The following NARS1 variants were observed in gnomAD, a reference collection of about 807,000 sequenced individuals.
NARS1 encodes the protein asparagine--tRNA ligase, cytoplasmic.
Under a neutral mutation model 79.2 loss-of-function variants are expected in NARS1, and 65 were observed. The observed-to-expected ratio is 0.82, with a 90% CI of 0.67 to 1.01. NARS1 has a LOEUF of 1.01. Among genes scored for constraint, NARS1 ranks in the 50% least tolerant of loss-of-function variants. The probability of loss-of-function intolerance (pLI) is 0.00; values close to 1 mark genes in which losing one functional copy is unlikely to be tolerated. For synonymous variants in NARS1, 229 were observed against 238.8 expected (o/e 0.96, Z 0.38); for missense variants, 649 against 673.8 (o/e 0.96, Z 0.41).
intron 6 of NARS1, among the ~76,000 whole-genome samples, 156 bp downstream of exon 6, chr18:57,611,481 A>G (rs2051604180): frequency 6.6e-6 from 1 of 152,202 alleles, no homozygotes; most frequent in African/African-American, 2.4e-5. Context: ...ATAATAAACA[A>G]ATAAAAATTG....
rs2051506492 is a variant in NARS1, at chr18:57,601,598, T to C, written c.*54A>G. 2.0e-6 allele frequency: 3 copies of C among 1,510,102 alleles called. No individual in the cohort carries two copies. In the Admixed American group the frequency reaches 6.3e-5, roughly 32 times the overall value. 93.5% of individuals were successfully genotyped at this position (1,510,102 alleles called of 1,614,324 possible). ...AAGATTCTGGCTTTTTGTTTTCTTT[T>C]TTAAAGAGCCTGTTCCTTTCATAAT... On this transcript the variant is annotated 3_prime_UTR_variant, in exon 14 of 14. Coordinates refer to ENST00000256854, the MANE Select transcript of NARS1 (RefSeq NM_004539.4).
In NARS1 at chr18:57,605,140, T is replaced by A. The variant is rs1386228632; in HGVS notation, c.1251+717A>T. ...TCTCCAGAAAAAAAAAAAAAATATA[T>A]ATATATATATATATCTATATACCAA... On this transcript the variant is annotated intron_variant, in intron 11 of 13. Transcript: ENST00000256854. Among the ~76,000 whole-genome samples the A allele has an allele frequency of 1.1e-3, 104 of 96,572 alleles. No homozygotes were observed. The East Asian group carries it at 0.011, about 10-fold the overall frequency. The allele number at this position is 96,572 out of a possible 152,430, so 63.4% of individuals were successfully genotyped here.
chr18:57,607,210 G>C lies in NARS1; in HGVS notation c.925C>G (p.Pro309Ala). 6.2e-7 allele frequency: 1 copy of C among 1,614,138 alleles called. No homozygotes were observed. Among genetic ancestry groups the C allele is most frequent in the Non-Finnish European group, 8.5e-7 (1 of 1,180,034 alleles). Residue 309 changes from proline (P) to alanine (A), a missense_variant, in exon 9 of 14, where the codon CCA (proline) becomes GCA (alanine). Pro to Ala is a conservative substitution (Grantham distance 27). Transcript: ENST00000256854. Reference sequence around the variant, plus strand: ...ATACAAAAAACATCTCCCAGGGCTGGGAGGCAGGTCTCCAAGTACAACTGA... The same window carrying C: ...ATACAAAAAACATCTCCCAGGGCTGCGAGGCAGGTCTCCAAGTACAACTGA... The part of the protein sequence containing the change: ...SSQLYLETCL[P>A]ALGDVFCIAQ...
intron 11 of NARS1, among the ~76,000 whole-genome samples, chr18:57,605,602 C>T (rs963281027): frequency 4.0e-5 from 5 of 125,424 alleles, no homozygotes; most frequent in Admixed American, 8.8e-5. Context: ...CAGAGCGAGA[C>T]TCCGTCTCAA....
intron 13 of NARS1, 60 bp downstream of exon 13, chr18:57,602,295 A>T: frequency 6.6e-7 from 1 of 1,519,424 alleles, no homozygotes. Context: ...TAAAAATTTC[A>T]ATATATACAG....
intron 6 of NARS1, among the ~76,000 whole-genome samples, chr18:57,609,998 G>A (rs2051592127): frequency 6.6e-6 from 1 of 152,142 alleles, no homozygotes; most frequent in Non-Finnish European, 1.5e-5. Context: ...AATGAGCTAT[G>A]ATGATGCCAC....
intron 4 of NARS1, 76 bp from the exon 5 acceptor site, chr18:57,613,756 G>C: frequency 8.2e-7 from 1 of 1,219,578 alleles, no homozygotes; most frequent in East Asian, 2.3e-5. Context: ...ATATTAGGCA[G>C]ACGGTAGTAA....
chr18:57,621,246 GTCTC>G (rs1278282354), intron 1 of NARS1, among the ~76,000 whole-genome samples: 5 of 150,912 alleles, frequency 3.3e-5, no homozygotes, highest in Admixed American at 1.3e-4. Context: ...ATCCATCCAG[GTCTC>G]TCTCTTTTTT....
Position 57,606,720 on chromosome 18 carries a change from G to A in NARS1, c.1033C>T (p.Leu345=), listed in dbSNP as rs1008790123. Residue 345 remains leucine, a synonymous_variant, in exon 10 of 14, where the codon CTG becomes TTG. Coordinates refer to ENST00000256854, the MANE Select transcript of NARS1 (RefSeq NM_004539.4). ...CGGTTCAGGAGGTCGTCAAAAGTCA[G>A]GAAAGGACACTCAGCTTCCACGTGA... ...YTHVEAECPF[L]TFDDLLNRLE... is the part of the protein sequence containing the mutation. The A allele has an allele frequency of 6.2e-7, 1 of 1,614,172 alleles. No individual in the cohort carries two copies. Among genetic ancestry groups the A allele is most frequent in the Non-Finnish European group, 8.5e-7 (1 of 1,180,034 alleles).
chr18:57,621,676 G>A (rs770990611), intron 1 of NARS1, 32 bp downstream of exon 1: 5 of 1,603,596 alleles, frequency 3.1e-6, no homozygotes, highest in Non-Finnish European at 2.6e-6. Flanking sequence ...CCCAGGCAGG[G>A]AACACCGCGC....
chr18:57,615,445 T>A (rs1242276060), intron 4 of NARS1, among the ~76,000 whole-genome samples, 196 bp downstream of exon 4: 1 of 152,038 alleles, frequency 6.6e-6, no homozygotes, highest in Admixed American at 6.6e-5. Flanking sequence ...GAGCTTGCAG[T>A]GAGCTGAGAT....
At chr18:57,610,559 T>C (rs2051596647) in intron 6 of NARS1, among the ~76,000 whole-genome samples, 1 of 152,178 alleles carries the variant, frequency 6.6e-6, no homozygotes, top group South Asian at 2.1e-4. Flanking sequence ...ATGAAGTAGT[T>C]GTGCCAAAAA....
At position 57,621,821 on chromosome 18, in the gene NARS1, C is replaced by G. The variant is rs1170129250; in HGVS notation, c.-104G>C. 2.5e-6 allele frequency: 4 copies of G among 1,587,416 alleles called. No individual in the cohort carries two copies. The African/African-American group carries it at 5.4e-5, about 21-fold the overall frequency. On this transcript the variant is annotated 5_prime_UTR_variant, in exon 1 of 14. Coordinates refer to ENST00000256854, the MANE Select transcript of NARS1 (RefSeq NM_004539.4). ...GGTTTCCGCGATTCCGGCGTTGCAT[C>G]AGAGAGCGTAGATCTGAGGGCGCCT...
chr18:57,617,488 C>T (rs978938477), intron 2 of NARS1, among the ~76,000 whole-genome samples: 4 of 145,412 alleles, frequency 2.8e-5, no homozygotes, highest in African/African-American at 5.1e-5. Context: ...AGGAGAATGG[C>T]GTGAACCTGG....
chr18:57,621,755 T>C lies in NARS1; in HGVS notation c.-38A>G, dbSNP rs367591907. 38 of 1,613,918 alleles carry C rather than the reference T, an allele frequency of 2.4e-5. No individual in the cohort carries two copies. The highest frequency in any genetic ancestry group is 2.8e-5 in the Non-Finnish European group (33 of 1,180,008). ...CCTGGTCACCTCCAAGGACACAGAC[T>C]GCAACACCGACGCCGTCTTATGACT... On this transcript the variant is annotated 5_prime_UTR_variant, in exon 1 of 14. Transcript: ENST00000256854.
In NARS1 at chr18:57,615,674, A is replaced by T. The variant is rs1568166154; in HGVS notation, c.309T>A (p.Ile103=). ...KNLEEAKKIT[I]KNDPSLPEPK... is the part of the protein sequence containing the mutation. ...GCTCTGGGAGACTTGGATCATTTTT[A>T]ATGGTAATCTTCTTTGCTTCTTCCA... is the stretch of plus-strand genomic sequence containing the variant. The change falls in exon 4 of 14, where the codon ATT becomes ATA. Residue 103 remains isoleucine (I), a synonymous_variant. Transcript: ENST00000256854. The T allele has an allele frequency of 6.2e-7, 1 of 1,612,992 alleles. No homozygotes were observed.
In NARS1 at chr18:57,601,649, T is replaced by C. The variant is rs754649223; in HGVS notation, c.*3A>G. On this transcript the variant is annotated 3_prime_UTR_variant, in exon 14 of 14. Transcript: ENST00000256854. ...CTTTCCTCCACGCTTCTGGAGAAAA[T>C]GGTTATGGCGTGCAACGCTGGACAA... 1.9e-6 allele frequency: 3 copies of C among 1,613,338 alleles called. No homozygotes were observed. Among genetic ancestry groups the C allele is most frequent in the African/African-American group, 1.3e-5 (1 of 75,012 alleles).
Position 57,607,150 on chromosome 18 carries a change from G to A in NARS1, c.985C>T (p.Arg329Ter), listed in dbSNP as rs1326614045. 15 of 1,612,706 alleles carry A rather than the reference G, an allele frequency of 9.3e-6. No homozygotes were observed. Among genetic ancestry groups the A allele is most frequent in the Admixed American group, 1.7e-5 (1 of 59,790 alleles). ...QSYRAEQSRT[R>*]RHLAEYTHVE... ...ACTTCATACTCAGCCAGGTGCCTTC[G>A]TGTTCTGGACTGCTCTGCCCGGTAT... Residue 329 changes from arginine (R) to a stop codon, truncating the protein, a stop_gained, in exon 9 of 14, where the codon CGA becomes TGA. Transcript: ENST00000256854. LOFTEE classifies it high-confidence loss of function.
intron 5 of NARS1, 81 bp downstream of exon 5, chr18:57,613,521 C>T: frequency 7.7e-7 from 1 of 1,291,020 alleles, no homozygotes; most frequent in Non-Finnish European, 1.1e-6. Context: ...AAAAAAACCC[C>T]TGCAAATCTT....
Sources: gnomAD v4.1 joint callset for allele counts (sites outside exome capture counted in the v4.1 genomes callset) on GRCh38, gnomAD v4.1.1 for gene constraint, MANE v1.5 for transcripts, NCBI Gene and HGNC (gene_info 2026-07-23, HGNC 2026-07-21) for gene names.